Variants in RIMS2 observed in about 807,000 individuals in gnomAD.
RIMS2 encodes regulating synaptic membrane exocytosis protein 2.
Under a neutral mutation model 174.4 loss-of-function variants are expected in RIMS2, and 59 were observed. The ratio of observed to expected loss-of-function variants is 0.34; its 90% CI spans 0.27 to 0.42. The LOEUF (loss-of-function observed/expected upper bound fraction) is 0.42. Among genes scored for constraint, RIMS2 ranks in the 10% least tolerant of loss-of-function variants. The pLI is 1.00. For synonymous variants in RIMS2, 606 were observed against 572.5 expected, an observed-to-expected ratio of 1.06 and a Z score of -0.84; for missense variants, 1,620 against 1,666.3, an observed-to-expected ratio of 0.97 and a Z score of 0.48.
chr8:104,020,874 A>C (rs570128699), intron 19 of RIMS2, among the ~76,000 whole-genome samples: 14 of 152,146 alleles, frequency 9.2e-5, no homozygotes, highest in African/African-American at 3.1e-4. Flanking sequence ...TAATACTTAG[A>C]TTTGATTTTC....
At chr8:103,640,124 A>T (rs1382714804) in intron 1 of RIMS2, among the ~76,000 whole-genome samples, 1 of 151,932 alleles carries the variant, frequency 6.6e-6, no homozygotes, top group East Asian at 1.9e-4. Flanking sequence ...AAGCATTGGT[A>T]CATTGTTTCT....
chr8:103,819,286 G>A (rs2098736502), intron 3 of RIMS2: 1 of 1,356,390 alleles, frequency 7.4e-7, no homozygotes, highest in African/African-American at 1.5e-5. Flanking sequence ...TCAGGAGAAA[G>A]CCGAAAGCTG....
intron 15 of RIMS2, among the ~76,000 whole-genome samples, chr8:103,970,728 G>T (rs150816445): frequency 2.6e-5 from 4 of 152,152 alleles, no homozygotes; most frequent in African/African-American, 9.6e-5. Flanking sequence ...TCAATCTTGG[G>T]GGCAGTTGTT....
At chr8:103,600,508 T>G (rs2133726041) in intron 1 of RIMS2, among the ~76,000 whole-genome samples, 1 of 152,276 alleles carries the variant, frequency 6.6e-6, no homozygotes, top group Non-Finnish European at 1.5e-5. Flanking sequence ...TGACCTCAAG[T>G]GATCCGCATG....
chr8:104,130,527 C>A (rs923046018), intron 19 of RIMS2, among the ~76,000 whole-genome samples: 14 of 152,138 alleles, frequency 9.2e-5, no homozygotes, highest in African/African-American at 3.4e-4. Context: ...TTTCCATCTC[C>A]CTGTTTCTCA....
Position 103,936,537 on chromosome 8 carries a change from G to A in RIMS2, c.2376-14G>A, listed in dbSNP as rs779328265. ...GTTCTATGTAAGTTCATAATTCATT[G>A]TTTTTTTCCATAGTGATAAAAACAA... On this transcript the variant is annotated splice_polypyrimidine_tract_variant and intron_variant, in intron 12 of 23. Transcript: ENST00000504942. The A allele has an allele frequency of 6.6e-7, 1 of 1,507,044 alleles. No homozygotes were observed. The highest frequency in any genetic ancestry group is 2.2e-5 in the Admixed American group (1 of 45,840). 93.4% of individuals were successfully genotyped at this position (1,507,044 alleles called of 1,614,324 possible). A position where few individuals can be genotyped will look rare whatever the true frequency, so the allele number is the denominator to read the frequency against.
intron 1 of RIMS2, among the ~76,000 whole-genome samples, chr8:103,691,303 G>A (rs1352722697): frequency 6.6e-6 from 1 of 152,072 alleles, no homozygotes; most frequent in Non-Finnish European, 1.5e-5. Context: ...ATATATTTAA[G>A]GCCAATAACT....
At chr8:104,116,356 C>G (rs554106089) in intron 19 of RIMS2, among the ~76,000 whole-genome samples, 34 of 151,910 alleles carry the variant, frequency 2.2e-4, no homozygotes, top group Non-Finnish European at 1.0e-4. Context: ...TTTTAAGTCT[C>G]CAGAAGTAGA....
At chr8:103,736,379 G>T (rs74936404) in intron 2 of RIMS2, among the ~76,000 whole-genome samples, 18,892 of 152,130 alleles carry the variant, frequency 0.12, 1,280 homozygotes, top group Middle Eastern at 0.23. Context: ...ATAAATAGCT[G>T]GTTCCATTTT....
chr8:103,508,765 T>C (rs1825001938), intron 1 of RIMS2, among the ~76,000 whole-genome samples: 1 of 152,056 alleles, frequency 6.6e-6, no homozygotes, highest in African/African-American at 2.4e-5. Flanking sequence ...CTTACAGTAA[T>C]CCAGGTAATA....
At chr8:103,594,019 A>T (rs1414731069) in intron 1 of RIMS2, among the ~76,000 whole-genome samples, 1 of 151,460 alleles carries the variant, frequency 6.6e-6, no homozygotes, top group Non-Finnish European at 1.5e-5. Flanking sequence ...TTTTTTTCAG[A>T]TTCTGTATTT....
chr8:103,908,103 G>A (rs775331932), intron 4 of RIMS2, among the ~76,000 whole-genome samples: 8 of 151,676 alleles, frequency 5.3e-5, no homozygotes, highest in East Asian at 1.9e-4. Context: ...GTGCAGTGGC[G>A]CAATCTCAGC....
chr8:104,246,449 A>G (rs141249783), intron 20 of RIMS2, among the ~76,000 whole-genome samples: 1 of 152,332 alleles, frequency 6.6e-6, no homozygotes, highest in African/African-American at 2.4e-5. Flanking sequence ...ACAGCAGTGA[A>G]CAAAGCAGAC....
chr8:103,677,480 A>G (rs1308233710), intron 1 of RIMS2, among the ~76,000 whole-genome samples: 1 of 152,132 alleles, frequency 6.6e-6, no homozygotes, highest in East Asian at 1.9e-4. Flanking sequence ...CAGATAAAAA[A>G]TTTGCTCAAA....
At chr8:103,790,594 C>T (rs1310222208) in intron 3 of RIMS2, among the ~76,000 whole-genome samples, 6 of 151,978 alleles carry the variant, frequency 3.9e-5, no homozygotes, top group African/African-American at 7.2e-5. Flanking sequence ...GTTTTTAATT[C>T]TCTTGTCTGT....
At chr8:103,949,144 AAAAGGG>A (rs1226140523) in intron 14 of RIMS2, among the ~76,000 whole-genome samples, 1,488 of 138,266 alleles carry the variant, frequency 0.011, 11 homozygotes, top group Non-Finnish European at 0.014. Flanking sequence ...AAAAAAAAAA[AAAAGGG>A]AAAGGGAAAG....
At chr8:103,584,947 G>A (rs896168879) in intron 1 of RIMS2, among the ~76,000 whole-genome samples, 1 of 152,004 alleles carries the variant, frequency 6.6e-6, no homozygotes, top group African/African-American at 2.4e-5. Context: ...CTGGCTGAAT[G>A]GATGAAAAAT....
At chr8:104,141,456 A>G (rs1291569076) in intron 19 of RIMS2, among the ~76,000 whole-genome samples, 1 of 152,214 alleles carries the variant, frequency 6.6e-6, no homozygotes, top group Non-Finnish European at 1.5e-5. Flanking sequence ...GAAGATAGCC[A>G]TGATCTCTCC....
At chr8:103,501,294 C>T (rs1323728371) in intron 1 of RIMS2, 11 of 153,552 alleles carry the variant, frequency 7.2e-5, no homozygotes. Flanking sequence ...GGGTGGCGAG[C>T]CTTAGGCGGT....
Sources: gnomAD v4.1 joint callset for allele counts (sites outside exome capture counted in the v4.1 genomes callset) on GRCh38, gnomAD v4.1.1 for gene constraint, MANE v1.5 for transcripts, NCBI Gene and HGNC (gene_info 2026-07-23, HGNC 2026-07-21) for gene names.